TC2N: variants seen among roughly 807,000 people sequenced by gnomAD.
TC2N encodes tandem C2 domains nuclear protein.
Under a neutral mutation model 61.9 loss-of-function variants are expected in TC2N, and 51 were observed. The observed-to-expected ratio is 0.82, with a 90% CI of 0.66 to 1.04. The LOEUF (loss-of-function observed/expected upper bound fraction) is 1.04, where lower values mean the gene tolerates loss of function less well. Among genes scored for constraint, TC2N ranks in the 50% least tolerant of loss-of-function variants. The pLI is 0.00. For synonymous variants in TC2N, 204 were observed against 192.6 expected (o/e 1.06, Z -0.49); for missense variants, 556 against 566.7 (o/e 0.98, Z 0.19).
chr14:91,801,550 C>T (rs900685239), intron 4 of TC2N, among the ~76,000 whole-genome samples: 5 of 152,056 alleles, frequency 3.3e-5, no homozygotes, highest in South Asian at 2.1e-4. Context: ...CCAGCTTCTG[C>T]GGTGGGGCAG....
At chr14:91,821,932 C>A (rs891905608) in intron 1 of TC2N, among the ~76,000 whole-genome samples, 1 of 151,956 alleles carries the variant, frequency 6.6e-6, no homozygotes, top group Non-Finnish European at 1.5e-5. Context: ...TAGGAAAATG[C>A]AAATTAAAAC....
chr14:91,852,669 A>G (rs1016387797), intron 1 of TC2N, among the ~76,000 whole-genome samples: 6 of 152,214 alleles, frequency 3.9e-5, no homozygotes, highest in Non-Finnish European at 7.3e-5. Flanking sequence ...CCAGTAAACC[A>G]TACCATGTCA....
intron 1 of TC2N, among the ~76,000 whole-genome samples, chr14:91,860,140 C>T (rs980480431): frequency 1.3e-5 from 2 of 152,094 alleles, no homozygotes; most frequent in Non-Finnish European, 2.9e-5. Flanking sequence ...ATCTCCCCTC[C>T]CTCCATACAC....
chr14:91,784,341 CA>C (rs1193387483), intron 11 of TC2N, among the ~76,000 whole-genome samples: 2 of 152,018 alleles, frequency 1.3e-5, no homozygotes, highest in South Asian at 2.1e-4. Flanking sequence ...AGCTCTTTTC[CA>C]AATAATAAAT....
intron 1 of TC2N, among the ~76,000 whole-genome samples, chr14:91,834,276 T>G (rs11848727): frequency 0.019 from 2,962 of 152,272 alleles, 95 homozygotes; most frequent in African/African-American, 0.067. Flanking sequence ...GTTCATAATT[T>G]GGATGGGGCG....
intron 8 of TC2N, among the ~76,000 whole-genome samples, chr14:91,796,284 A>G (rs1297074223): frequency 2.0e-5 from 3 of 152,076 alleles, no homozygotes; most frequent in Non-Finnish European, 2.9e-5. Flanking sequence ...ATATATACAC[A>G]TTCATACACA....
chr14:91,828,403 A>G (rs1416999951), intron 1 of TC2N, among the ~76,000 whole-genome samples: 2 of 152,072 alleles, frequency 1.3e-5, no homozygotes, highest in Non-Finnish European at 2.9e-5. Flanking sequence ...ATATTTCAGT[A>G]TGTATCTCTA....
intron 1 of TC2N, among the ~76,000 whole-genome samples, chr14:91,817,810 T>C (rs1044606972): frequency 1.3e-5 from 2 of 152,018 alleles, no homozygotes; most frequent in African/African-American, 2.4e-5. Context: ...AGGAAGGTAG[T>C]AGAAAGAGAG....
chr14:91,858,315 G>A (rs1316617644), intron 1 of TC2N, among the ~76,000 whole-genome samples: 2 of 152,016 alleles, frequency 1.3e-5, no homozygotes, highest in Non-Finnish European at 2.9e-5. Context: ...GAGAAGTTGA[G>A]TAAATACAGG....
chr14:91,841,426 GA>G (rs1228456407), intron 1 of TC2N, among the ~76,000 whole-genome samples: 1 of 152,182 alleles, frequency 6.6e-6, no homozygotes, highest in African/African-American at 2.4e-5. Context: ...CCAAAAAGAA[GA>G]ATTGAGGCAA....
rs148589302 is a variant in TC2N at position 91,832,737 on chromosome 14, A to G, written c.-56-18912T>C. The stretch of plus-strand genomic sequence containing the variant: ...TTTAAAACCATGAACACAAAGAGAC[A>G]TGAGTTAGAAGGGTCACTTAAAAAC... On this transcript the variant is annotated intron_variant, in intron 1 of 11. Transcript: ENST00000435962. Among the ~76,000 whole-genome samples, 20 of 152,308 alleles carry G rather than the reference A, an allele frequency of 1.3e-4. 1 individual carries two copies. In the East Asian group the frequency reaches 2.9e-3, roughly 22 times the overall value.
At position 91,782,109 on chromosome 14, in the gene TC2N, T is replaced by A. The variant is rs1243729978; in HGVS notation, c.*991A>T. The A allele has an allele frequency of 6.6e-6, 1 of 152,002 alleles. No individual in the cohort carries two copies. The highest frequency in any genetic ancestry group is 1.5e-5 in the Non-Finnish European group (1 of 67,908). 9.4% of individuals were successfully genotyped at this position (152,002 alleles called of 1,614,324 possible). A position where few individuals can be genotyped will look rare whatever the true frequency, so the allele number is the denominator to read the frequency against. ...CCACAGTTCTTATGGTCAATTAAGC[T>A]GAAATTATTTCCAAATACTGAGTTC... On this transcript the variant is annotated 3_prime_UTR_variant, in exon 12 of 12. Coordinates refer to ENST00000435962, the MANE Select transcript of TC2N (RefSeq NM_001128596.3).
chr14:91,818,316 A>C (rs1887095548), intron 1 of TC2N, among the ~76,000 whole-genome samples: 1 of 152,154 alleles, frequency 6.6e-6, no homozygotes, highest in African/African-American at 2.4e-5. Context: ...CGGGAAAAAA[A>C]CACCAGAAAA....
intron 1 of TC2N, among the ~76,000 whole-genome samples, chr14:91,855,642 G>A (rs568945736): frequency 3.9e-5 from 6 of 152,314 alleles, no homozygotes; most frequent in African/African-American, 1.2e-4. Context: ...ACGTTCTGAT[G>A]TTCCACATAG....
At chr14:91,801,015 CAT>C (rs112019460) in intron 4 of TC2N, among the ~76,000 whole-genome samples, 2,220 of 149,914 alleles carry the variant, frequency 0.015, 29 homozygotes, top group Non-Finnish European at 0.022. Context: ...TACATATATA[CAT>C]ATATATACAC....
intron 1 of TC2N, among the ~76,000 whole-genome samples, chr14:91,831,935 C>G (rs561866509): frequency 1.3e-5 from 2 of 152,184 alleles, no homozygotes; most frequent in South Asian, 4.2e-4. Flanking sequence ...AAAAAGTTGA[C>G]AGAGTCAACT....
intron 1 of TC2N, among the ~76,000 whole-genome samples, chr14:91,861,370 C>T (rs1172695024): frequency 6.6e-6 from 1 of 152,160 alleles, no homozygotes; most frequent in Non-Finnish European, 1.5e-5. Flanking sequence ...CTTCTGTGTG[C>T]TAAGGAGAGA....
intron 4 of TC2N, among the ~76,000 whole-genome samples, chr14:91,800,868 C>T (rs1329604411): frequency 6.6e-6 from 1 of 151,856 alleles, no homozygotes; most frequent in Non-Finnish European, 1.5e-5. Context: ...CAGTAGTGAA[C>T]GTAAGGCAGG....
intron 1 of TC2N, among the ~76,000 whole-genome samples, chr14:91,859,470 C>T (rs961908718): frequency 6.6e-6 from 1 of 152,168 alleles, no homozygotes; most frequent in African/African-American, 2.4e-5. Flanking sequence ...TCTCCTGAAG[C>T]TTTCCCCTTC....
Sources: gnomAD v4.1 joint callset for allele counts (sites outside exome capture counted in the v4.1 genomes callset) on GRCh38, gnomAD v4.1.1 for gene constraint, MANE v1.5 for transcripts, NCBI Gene and HGNC (gene_info 2026-07-23, HGNC 2026-07-21) for gene names.